Variants in ELSPBP1 observed in about 807,000 individuals in gnomAD.
The protein encoded by ELSPBP1 is epididymal sperm binding protein 1, also known as epididymal sperm-binding protein 1.
A neutral mutation model predicts 33.3 loss-of-function variants in ELSPBP1; 38 were observed. The observed-to-expected ratio is 1.14, with a 90% CI of 0.88 to 1.50. ELSPBP1 has a LOEUF of 1.50. ELSPBP1 is among the 40% of genes most tolerant of loss of function. The pLI is 0.00. For missense variants in ELSPBP1, 267 were observed against 263.5 expected (o/e 1.01, Z -0.09); for synonymous variants, 85 against 94.1 (o/e 0.90, Z 0.56).
intron 6 of ELSPBP1, among the ~76,000 whole-genome samples, chr19:48,024,575 G>A (rs950070861): frequency 2.6e-5 from 4 of 152,228 alleles, no homozygotes; most frequent in African/African-American, 7.2e-5. Context: ...TAGAGGAGAG[G>A]GAAAGGAGGG....
intron 4 of ELSPBP1, among the ~76,000 whole-genome samples, chr19:48,017,626 C>A (rs935255845): frequency 1.3e-5 from 2 of 152,162 alleles, no homozygotes; most frequent in African/African-American, 4.8e-5. Flanking sequence ...CTCAGTGGCT[C>A]ATGCCTGTAA....
Position 48,019,895 on chromosome 19 carries a change from G to A in ELSPBP1, c.514+18G>A. 1.5e-6 allele frequency: 2 copies of A among 1,327,056 alleles called. No individual in the cohort carries two copies. The highest frequency in any genetic ancestry group is 2.1e-6 in the Non-Finnish European group (2 of 940,514). The allele number at this position is 1,327,056 out of a possible 1,614,324, so 82.2% of individuals were successfully genotyped here. ...CGACACCAGTAATCTGGGGATGGGGGTTGGGTGGGTGTGGGTGGAGTCTTT... is the reference window on the plus strand; with the variant it reads ...CGACACCAGTAATCTGGGGATGGGGATTGGGTGGGTGTGGGTGGAGTCTTT... On this transcript the variant is annotated intron_variant, in intron 5 of 6. Coordinates refer to ENST00000339841, the MANE Select transcript of ELSPBP1 (RefSeq NM_022142.5).
chr19:48,001,068 T>C (rs1195715507), intron 1 of ELSPBP1, among the ~76,000 whole-genome samples: 1 of 152,148 alleles, frequency 6.6e-6, no homozygotes, highest in Non-Finnish European at 1.5e-5. Flanking sequence ...TCTTCCAGCT[T>C]CTAAAGGTCG....
intron 1 of ELSPBP1, among the ~76,000 whole-genome samples, chr19:47,996,016 G>A (rs1026909366): frequency 2.0e-5 from 3 of 152,224 alleles, no homozygotes; most frequent in African/African-American, 7.2e-5. Context: ...TATTTTCCAT[G>A]TTGGGTGGTA....
chr19:48,014,253 T>A lies in ELSPBP1; in HGVS notation c.153T>A (p.Pro51=). The change falls in exon 3 of 7, where the codon CCT becomes CCA. Residue 51 remains proline, a synonymous_variant. Coordinates refer to ENST00000339841, the MANE Select transcript of ELSPBP1 (RefSeq NM_022142.5). ...GCACCCATATTCATAGCTTATCCCC[T>A]TGGTGTGCCACCAGAGCCGTGTACA... is the stretch of plus-strand genomic sequence containing the variant. ...FTCTHIHSLS[P]WCATRAVYNG... is the part of the protein sequence containing the mutation. The A allele has an allele frequency of 1.2e-6, 2 of 1,614,110 alleles. No homozygotes were observed. The highest frequency in any genetic ancestry group is 4.5e-5 in the East Asian group (2 of 44,866).
rs764442320 is a variant in ELSPBP1, at chr19:48,004,847, C to T, written c.-17-3804C>T. 2.6e-5 allele frequency among the ~76,000 whole-genome samples: 4 copies of T among 152,356 alleles called. No homozygotes were observed. The East Asian group carries it at 5.8e-4, about 22-fold the overall frequency. On this transcript the variant is annotated intron_variant, in intron 1 of 6. Coordinates refer to ENST00000339841, the MANE Select transcript of ELSPBP1 (RefSeq NM_022142.5). ...TACTCATCGTGTAGCCCTGGCCCCA[C>T]ATCTTTTAAATGCTCAATAAATACT...
At position 48,014,144 on chromosome 19, in the gene ELSPBP1, CTCCTGTTT is replaced by C. The variant is rs1967105589; in HGVS notation, c.71-24_71-17del. On this transcript the variant is annotated intron_variant, in intron 2 of 6. Coordinates refer to ENST00000339841, the MANE Select transcript of ELSPBP1 (RefSeq NM_022142.5). ...GCTAATTCATCGTGATTCTTCCCCA[CTCCTGTTT>C]TCTCCTTCTGCCCTTCAGGGATGCA... 6 of 1,609,054 alleles carry C rather than the reference CTCCTGTTT, an allele frequency of 3.7e-6. No individual in the cohort carries two copies. The highest frequency in any genetic ancestry group is 5.1e-6 in the Non-Finnish European group (6 of 1,176,978).
chr19:48,007,195 A>G (rs1967029839), intron 1 of ELSPBP1, among the ~76,000 whole-genome samples: 1 of 152,148 alleles, frequency 6.6e-6, no homozygotes. Context: ...CCACCCGGAG[A>G]CACAGGAACG....
chr19:48,004,529 G>A (rs1392088092), intron 1 of ELSPBP1, among the ~76,000 whole-genome samples: 2 of 152,040 alleles, frequency 1.3e-5, no homozygotes, highest in South Asian at 2.1e-4. Context: ...CAGTTTCCAC[G>A]TCGGCTTCTC....
Position 48,021,424 on chromosome 19 carries a change from C to A in ELSPBP1, c.515-746C>A, listed in dbSNP as rs543076001. On this transcript the variant is annotated intron_variant, in intron 5 of 6. Transcript: ENST00000339841. ...ATTTTTTAGTTTTTTTTTTTTTTTA[C>A]TTTTTATATTTTGTTTTATTTTATT... Among the ~76,000 whole-genome samples, 7 of 137,612 alleles carry A rather than the reference C, an allele frequency of 5.1e-5. 1 individual carries two copies. The highest frequency in any genetic ancestry group is 1.6e-4 in the African/African-American group (6 of 37,162). The allele number at this position is 137,612 out of a possible 152,430, so 90.3% of individuals were successfully genotyped here.
chr19:48,008,679 G>C lies in ELSPBP1; in HGVS notation c.12G>C (p.Trp4Cys). 1 of 1,613,892 alleles carries C rather than the reference G, an allele frequency of 6.2e-7. No individual in the cohort carries two copies. The change falls in exon 2 of 7, where the codon TGG becomes TGC. Residue 4 changes from tryptophan to cysteine, a missense_variant. Transcript: ENST00000339841. ...AGAGGGCAGCCAAGATGACCCGATGGTCCAGTTACCTGTTGGGATGGACAA... is the reference window on the plus strand; with the variant it reads ...AGAGGGCAGCCAAGATGACCCGATGCTCCAGTTACCTGTTGGGATGGACAA... MTR[W>C]SSYLLGWTTF... is the part of the protein sequence containing the mutation.
chr19:48,015,552 G>C (rs1967122559), intron 3 of ELSPBP1, among the ~76,000 whole-genome samples: 1 of 152,112 alleles, frequency 6.6e-6, no homozygotes, highest in Non-Finnish European at 1.5e-5. Flanking sequence ...CAGCTACTCG[G>C]GAGGCTGAGG....
At chr19:48,015,793 A>T (rs1967124988) in intron 3 of ELSPBP1, 100 bp from the exon 4 acceptor site, 1 of 1,125,944 alleles carries the variant, frequency 8.9e-7, no homozygotes, top group Non-Finnish European at 1.3e-6. Context: ...TCTGAACCTT[A>T]TGTCTGTCCT....
Position 48,014,273 on chromosome 19 carries a change from T to C in ELSPBP1, c.173T>C (p.Val58Ala). The C allele has an allele frequency of 6.2e-7, 1 of 1,613,988 alleles. No individual in the cohort carries two copies. The highest frequency in any genetic ancestry group is 2.2e-5 in the East Asian group (1 of 44,872). ...SLSPWCATRA[V>A]YNGQWKYCQS... ...TCCCCTTGGTGTGCCACCAGAGCCG[T>C]GTACAACGGCCAGTGGAAGTACTGC... Residue 58 changes from valine to alanine, a missense_variant, in exon 3 of 7, where the codon GTG becomes GCG. Val to Ala is a moderately conservative substitution (Grantham distance 64, BLOSUM62 0). Coordinates refer to ENST00000339841, the MANE Select transcript of ELSPBP1 (RefSeq NM_022142.5).
At chr19:48,007,322 G>A (rs192472103) in intron 1 of ELSPBP1, among the ~76,000 whole-genome samples, 3 of 152,238 alleles carry the variant, frequency 2.0e-5, no homozygotes, top group East Asian at 1.9e-4. Flanking sequence ...GATACATCAC[G>A]TACCAGCTGT....
chr19:48,012,519 C>G (rs1383708697), intron 2 of ELSPBP1, among the ~76,000 whole-genome samples: 1 of 152,110 alleles, frequency 6.6e-6, no homozygotes, highest in Non-Finnish European at 1.5e-5. Flanking sequence ...TTCATCAATT[C>G]TCATTTTCAT....
At chr19:48,013,795 C>A (rs1967101534) in intron 2 of ELSPBP1, among the ~76,000 whole-genome samples, 1 of 152,052 alleles carries the variant, frequency 6.6e-6, no homozygotes, top group African/African-American at 2.4e-5. Context: ...AAATTTCTGT[C>A]TCCCAGTTCT....
chr19:48,019,151 C>A (rs755564920), intron 4 of ELSPBP1, among the ~76,000 whole-genome samples: 7 of 151,986 alleles, frequency 4.6e-5, no homozygotes, highest in Non-Finnish European at 1.0e-4. Flanking sequence ...AAGACTCCAT[C>A]TAAAAAAATA....
chr19:48,001,728 A>G (rs574298275), intron 1 of ELSPBP1, among the ~76,000 whole-genome samples: 3 of 146,412 alleles, frequency 2.0e-5, no homozygotes, highest in Admixed American at 1.4e-4. Context: ...TTTTTTTAAG[A>G]TTGTTTGTAG....
Sources: allele counts gnomAD v4.1 joint callset (sites outside exome capture counted in the v4.1 genomes callset), GRCh38; gene constraint gnomAD v4.1.1; transcripts MANE v1.5; gene names NCBI Gene and HGNC (gene_info 2026-07-23, HGNC 2026-07-21).